Variants in SPRYD3 observed in about 807,000 individuals in gnomAD.
The protein encoded by SPRYD3 is SPRY domain containing 3.
Under a neutral mutation model 50.1 loss-of-function variants are expected in SPRYD3, and 17 were observed. That is an observed-to-expected ratio of 0.34 (90% CI 0.23 to 0.51). The LOEUF (loss-of-function observed/expected upper bound fraction) is 0.51. SPRYD3 is among the 20% of genes least tolerant of loss of function. The pLI is 0.97. For synonymous variants in SPRYD3, 198 were observed against 215.5 expected, an observed-to-expected ratio of 0.92 and a Z score of 0.71; for missense variants, 401 against 591.2, an observed-to-expected ratio of 0.68 and a Z score of 3.34.
chr12:53,068,046 C>A, intron 7 of SPRYD3, 109 bp downstream of exon 7: 2 of 1,313,008 alleles, frequency 1.5e-6, no homozygotes, highest in South Asian at 2.7e-5. Flanking sequence ...AGCACCCTCC[C>A]TCCAAAGCCT....
chr12:53,073,614 G>C (rs1319292807), intron 5 of SPRYD3, 143 bp from the exon 6 acceptor site: 1 of 569,950 alleles, frequency 1.8e-6, no homozygotes. Flanking sequence ...GGAGGCCGAG[G>C]TGGGCGGATC....
At chr12:53,075,350 A>G in intron 3 of SPRYD3, 131 bp from the exon 4 acceptor site, 1 of 932,694 alleles carries the variant, frequency 1.1e-6, no homozygotes. Context: ...GAATCAGGAA[A>G]AAAGATAAGA....
chr12:53,073,121 T>G (rs533544626), intron 6 of SPRYD3, 165 bp downstream of exon 6: 64 of 538,870 alleles, frequency 1.2e-4, no homozygotes, highest in Admixed American at 9.7e-4. Context: ...AACACAGATC[T>G]GGACTCAAGG....
chr12:53,073,620 G>A (rs1469135712), intron 5 of SPRYD3, 149 bp from the exon 6 acceptor site: 6 of 546,418 alleles, frequency 1.1e-5, no homozygotes, highest in African/African-American at 7.6e-5. Context: ...CGAGGTGGGC[G>A]GATCACAAGG....
chr12:53,066,275 C>T, intron 10 of SPRYD3, 39 bp downstream of exon 10: 2 of 1,600,950 alleles, frequency 1.2e-6, no homozygotes, highest in Non-Finnish European at 1.7e-6. Flanking sequence ...TTGCCCAGAC[C>T]CAAAAACCCT....
At chr12:53,070,707 C>T (rs1944543580) in intron 6 of SPRYD3, among the ~76,000 whole-genome samples, 1 of 152,150 alleles carries the variant, frequency 6.6e-6, no homozygotes, top group Non-Finnish European at 1.5e-5. Context: ...AATGGGGTTA[C>T]GTTGGAATTG....
Position 53,075,154 on chromosome 12 carries a change from G to A in SPRYD3, c.312C>T (p.Ser104=), listed in dbSNP as rs749578766. The change falls in exon 4 of 11, where the codon AGC becomes AGT. Residue 104 remains serine (S), a synonymous_variant. Transcript: ENST00000301463. Reference sequence around the variant, plus strand: ...GCAACCAGCCAGGCTGGTGATCCAAGCTGTAGTACTGAGGGACCAGCCCCA... The same window carrying A: ...GCAACCAGCCAGGCTGGTGATCCAAACTGTAGTACTGAGGGACCAGCCCCA... ...IAVGLVPQYY[S]LDHQPGWLPD... is the part of the protein sequence containing the mutation. The A allele has an allele frequency of 1.7e-5, 28 of 1,613,938 alleles. No homozygotes were observed. The highest frequency in any genetic ancestry group is 2.3e-5 in the Non-Finnish European group (27 of 1,179,822).
rs778846052 is a variant in SPRYD3 at position 53,073,317 on chromosome 12, C to A, written c.662G>T (p.Gly221Val). The change falls in exon 6 of 11, where the codon GGC (glycine) becomes GTC (valine). Residue 221 changes from glycine to valine, a missense_variant. Coordinates refer to ENST00000301463, the MANE Select transcript of SPRYD3 (RefSeq NM_032840.3). ...MMVDSYEDEW[G>V]RLHDVRVCGT... ...ACAGACTCTGACATCATGTAGCCGG[C>A]CCCATTCATCCTCGTAACTGTCCAC... is the stretch of plus-strand genomic sequence containing the variant. 5.5e-6 allele frequency: 8 copies of A among 1,455,384 alleles called. No homozygotes were observed. In the Admixed American group the frequency reaches 1.5e-4, roughly 28 times the overall value. The allele number at this position is 1,455,384 out of a possible 1,614,324, so 90.2% of individuals were successfully genotyped here.
Position 53,065,551 on chromosome 12 carries a change from C to T in SPRYD3, c.*281G>A, listed in dbSNP as rs11545160. The T allele has an allele frequency of 0.038, 14,785 of 386,646 alleles. 407 individuals are homozygous for T. Among genetic ancestry groups the T allele is most frequent in the Non-Finnish European group, 0.054 (11,341 of 210,606 alleles). The allele number at this position is 386,646 out of a possible 1,614,324, so 24.0% of individuals were successfully genotyped here. On this transcript the variant is annotated 3_prime_UTR_variant, in exon 11 of 11. Transcript: ENST00000301463. Reference sequence around the variant, plus strand: ...GTGAGGGAAAGGGGGACCCAGAAGCCCACTGACCAAAGCGAGTGGGACCAC... The same window carrying T: ...GTGAGGGAAAGGGGGACCCAGAAGCTCACTGACCAAAGCGAGTGGGACCAC...
intron 6 of SPRYD3, among the ~76,000 whole-genome samples, chr12:53,071,723 TAAAAAAA>T (rs60600870): frequency 8.6e-5 from 9 of 104,510 alleles, no homozygotes; most frequent in African/African-American, 1.1e-4. Context: ...TAGCCTGTCT[TAAAAAAA>T]AAAAAAAAAA....
intron 6 of SPRYD3, chr12:53,073,041 C>A: frequency 2.4e-6 from 1 of 412,000 alleles, no homozygotes; most frequent in Admixed American, 4.1e-5. Context: ...TACTTGTTCC[C>A]AGGGTCAAAC....
intron 6 of SPRYD3, 86 bp from the exon 7 acceptor site, chr12:53,068,390 T>C: frequency 1.3e-6 from 2 of 1,496,542 alleles, no homozygotes; most frequent in African/African-American, 1.4e-5. Context: ...GGGTCCCACT[T>C]TCCCAGGTCT....
chr12:53,067,177 C>T (rs926939916), intron 8 of SPRYD3, among the ~76,000 whole-genome samples: 9 of 149,256 alleles, frequency 6.0e-5, no homozygotes, highest in African/African-American at 1.2e-4. Flanking sequence ...AATAAAGAGA[C>T]GTAGTATCCA....
At position 53,068,021 on chromosome 12, in the gene SPRYD3, G is replaced by T. The variant is rs189470026; in HGVS notation, c.843+134C>A. On this transcript the variant is annotated intron_variant, in intron 7 of 10. Coordinates refer to ENST00000301463, the MANE Select transcript of SPRYD3 (RefSeq NM_032840.3). ...TTACACAGCAGACACATACAACTGT[G>T]TTCCATCTCAGCTTAGCACCCTCCC... 6.1e-6 allele frequency: 6 copies of T among 990,988 alleles called. No homozygotes were observed. In the African/African-American group the frequency reaches 9.7e-5, roughly 16 times the overall value. The allele number at this position is 990,988 out of a possible 1,614,324, so 61.4% of individuals were successfully genotyped here. A position where few individuals can be genotyped will look rare whatever the true frequency, so the allele number is the denominator to read the frequency against.
At chr12:53,066,131 C>A (rs1321587631) in intron 10 of SPRYD3, among the ~76,000 whole-genome samples, 165 bp from the exon 11 acceptor site, 6 of 152,142 alleles carry the variant, frequency 3.9e-5, no homozygotes, top group African/African-American at 7.2e-5. Flanking sequence ...CGTGCTGAGG[C>A]CGGAAAACAG....
chr12:53,078,180 A>T, intron 1 of SPRYD3: 2 of 400,728 alleles, frequency 5.0e-6, no homozygotes, highest in Non-Finnish European at 1.0e-5. Flanking sequence ...CCCTGTCTCA[A>T]AAAAAAAAGA....
intron 6 of SPRYD3, among the ~76,000 whole-genome samples, chr12:53,070,344 G>C (rs773411591): frequency 6.6e-6 from 1 of 152,158 alleles, no homozygotes; most frequent in Non-Finnish European, 1.5e-5. Flanking sequence ...GGGTGGAAGT[G>C]GGGGGAATAT....
In SPRYD3 at chr12:53,077,161, A is replaced by G; in HGVS notation, c.124T>C (p.Tyr42His). ...AGGATATGTTTGAACCTCTCCTGATATCGGAAAGCTCGGACCTCTCGAATC... is the reference window on the plus strand; with the variant it reads ...AGGATATGTTTGAACCTCTCCTGATGTCGGAAAGCTCGGACCTCTCGAATC... The part of the protein sequence containing the change: ...REIREVRAFR[Y>H]QERFKHILVD... Residue 42 changes from tyrosine (Y) to histidine (H), a missense_variant, in exon 2 of 11, where the codon TAT (tyrosine) becomes CAT (histidine). Transcript: ENST00000301463. 6.2e-7 allele frequency: 1 copy of G among 1,614,220 alleles called. No homozygotes were observed. Among genetic ancestry groups the G allele is most frequent in the Non-Finnish European group, 8.5e-7 (1 of 1,180,034 alleles).
At chr12:53,071,416 G>A (rs1375922130) in intron 6 of SPRYD3, among the ~76,000 whole-genome samples, 2 of 152,188 alleles carry the variant, frequency 1.3e-5, no homozygotes, top group Non-Finnish European at 2.9e-5. Context: ...GCGAGGCCTG[G>A]AGGCAGGGAT....
Sources: allele counts gnomAD v4.1 joint callset (sites outside exome capture counted in the v4.1 genomes callset), GRCh38; gene constraint gnomAD v4.1.1; transcripts MANE v1.5; gene names NCBI Gene and HGNC (gene_info 2026-07-23, HGNC 2026-07-21).